The following DGKB variants were observed in gnomAD, a reference collection of about 807,000 sequenced individuals.
DGKB encodes the protein diacylglycerol kinase beta, also known as 90 kDa diacylglycerol kinase.
Under a neutral mutation model 114.3 loss-of-function variants are expected in DGKB, and 67 were observed. The observed-to-expected ratio is 0.59, with a 90% CI of 0.48 to 0.72. The LOEUF (loss-of-function observed/expected upper bound fraction) is 0.72, where lower values mean the gene tolerates loss of function less well. DGKB is among the 30% of genes least tolerant of loss of function. The probability of loss-of-function intolerance (pLI) is 0.00; values close to 1 mark genes in which losing one functional copy is unlikely to be tolerated. For synonymous variants in DGKB, 398 were observed against 323.1 expected (o/e 1.23, Z -2.49); for missense variants, 907 against 975.2 (o/e 0.93, Z 0.93).
intron 19 of DGKB, among the ~76,000 whole-genome samples, chr7:14,578,209 T>A (rs2128718675): frequency 6.6e-6 from 1 of 152,312 alleles, no homozygotes; most frequent in South Asian, 2.1e-4. Flanking sequence ...CCTTCACGAT[T>A]GTAAGTTTCC....
chr7:14,533,263 A>G (rs941167496), intron 20 of DGKB, among the ~76,000 whole-genome samples: 1 of 151,870 alleles, frequency 6.6e-6, no homozygotes, highest in African/African-American at 2.4e-5. Context: ...TCAATAGTAG[A>G]TTCAATCAGA....
chr7:14,215,805 T>C (rs1464009085), intron 23 of DGKB, among the ~76,000 whole-genome samples: 1 of 152,192 alleles, frequency 6.6e-6, no homozygotes, highest in Non-Finnish European at 1.5e-5. Flanking sequence ...TGAAATTATA[T>C]GCAAATGGAA....
chr7:14,362,259 C>T (rs1815894097), intron 21 of DGKB, among the ~76,000 whole-genome samples: 1 of 151,978 alleles, frequency 6.6e-6, no homozygotes, highest in South Asian at 2.1e-4. Flanking sequence ...AGTTGATTAT[C>T]AAGAATTCAT....
intron 17 of DGKB, among the ~76,000 whole-genome samples, chr7:14,589,999 A>G (rs1159390760): frequency 6.8e-6 from 1 of 146,806 alleles, no homozygotes; most frequent in East Asian, 2.1e-4. Context: ...CTTGCATATA[A>G]AACCTAAATG....
At chr7:14,191,596 G>C (rs1241439887) in intron 23 of DGKB, 4 of 246,830 alleles carry the variant, frequency 1.6e-5, no homozygotes, top group Non-Finnish European at 3.4e-5. Flanking sequence ...GTGGTGACTG[G>C]GTTACCTTTG....
At chr7:14,850,387 A>G (rs181931791) in intron 1 of DGKB, among the ~76,000 whole-genome samples, 2 of 152,276 alleles carry the variant, frequency 1.3e-5, no homozygotes, top group Non-Finnish European at 2.9e-5. Context: ...AAAGTTAATG[A>G]GAAGAGTTTA....
intron 20 of DGKB, among the ~76,000 whole-genome samples, chr7:14,535,256 C>T (rs926666917): frequency 1.4e-4 from 22 of 151,810 alleles, no homozygotes; most frequent in South Asian, 6.2e-4. Flanking sequence ...GTAGTTCCAG[C>T]TACTCAGGAG....
At chr7:14,961,421 T>C (rs1786837548) in intron 1 of DGKB, among the ~76,000 whole-genome samples, 1 of 152,078 alleles carries the variant, frequency 6.6e-6, no homozygotes, top group African/African-American at 2.4e-5. Flanking sequence ...CTCAATGAAT[T>C]GTGTTTAGTA....
intron 23 of DGKB, among the ~76,000 whole-genome samples, chr7:14,288,254 GA>G (rs11314793): frequency 0.096 from 6,544 of 67,908 alleles, 311 homozygotes; most frequent in African/African-American, 0.23. Context: ...TTTGTTAAAA[GA>G]AAAAAAAAAA....
At chr7:14,734,047 G>GT (rs1831331097) in intron 5 of DGKB, among the ~76,000 whole-genome samples, 1 of 147,830 alleles carries the variant, frequency 6.8e-6, no homozygotes, top group Non-Finnish European at 1.5e-5. Context: ...GTGTGTGTGT[G>GT]GTGTGTGAAA....
At chr7:14,204,399 G>T (rs142311599) in intron 23 of DGKB, among the ~76,000 whole-genome samples, 5 of 151,918 alleles carry the variant, frequency 3.3e-5, no homozygotes, top group Non-Finnish European at 7.4e-5. Context: ...AGCTTGGTGA[G>T]CTGACACATT....
Position 14,478,198 on chromosome 7 carries a change from T to C in DGKB, c.1798A>G (p.Ile600Val). Residue 600 changes from isoleucine to valine, a missense_variant, in exon 21 of 26, where the codon ATC (isoleucine) becomes GTC (valine). Coordinates refer to ENST00000402815, the MANE Select transcript of DGKB (RefSeq NM_001350709.2). ...TTCTCTGGGTGTTTTTCTCTCATGA[T>C]GTGGAATCTGTGTGCAATGGAGGCA... ...VDASIAHRFH[I>V]MREKHPEKFN... 6.2e-7 allele frequency: 1 copy of C among 1,602,936 alleles called. No individual in the cohort carries two copies.
At chr7:14,184,872 C>T (rs1393278394) in intron 23 of DGKB, among the ~76,000 whole-genome samples, 1 of 152,074 alleles carries the variant, frequency 6.6e-6, no homozygotes, top group Non-Finnish European at 1.5e-5. Flanking sequence ...AAGGGACATA[C>T]CTTAATGTAA....
intron 23 of DGKB, among the ~76,000 whole-genome samples, chr7:14,306,859 A>C (rs1804570052): frequency 6.6e-6 from 1 of 152,146 alleles, no homozygotes; most frequent in African/African-American, 2.4e-5. Flanking sequence ...TTGGCTCTTC[A>C]AATGTGTCCT....
intron 1 of DGKB, among the ~76,000 whole-genome samples, chr7:14,973,247 A>C (rs150269859): frequency 6.6e-6 from 1 of 152,028 alleles, no homozygotes; most frequent in East Asian, 1.9e-4. Context: ...CCTCTATTTA[A>C]TTTTTATTTA....
chr7:14,278,871 G>C (rs903164670), intron 23 of DGKB, among the ~76,000 whole-genome samples: 1 of 152,192 alleles, frequency 6.6e-6, no homozygotes, highest in East Asian at 1.9e-4. Context: ...GAATTGGAAA[G>C]GAGGAGCCAA....
At chr7:14,276,535 C>T (rs1799020948) in intron 23 of DGKB, among the ~76,000 whole-genome samples, 1 of 151,986 alleles carries the variant, frequency 6.6e-6, no homozygotes. Context: ...ATATACATCA[C>T]TATTCTACAT....
At chr7:14,785,435 A>G (rs959607775) in intron 2 of DGKB, among the ~76,000 whole-genome samples, 1 of 152,130 alleles carries the variant, frequency 6.6e-6, no homozygotes, top group African/African-American at 2.4e-5. Flanking sequence ...TCATATGTAT[A>G]CATGTATGTA....
chr7:14,957,148 A>G (rs1027170650), intron 1 of DGKB, among the ~76,000 whole-genome samples: 1 of 152,108 alleles, frequency 6.6e-6, no homozygotes, highest in Admixed American at 6.6e-5. Flanking sequence ...TTTTTTAAAA[A>G]AAGGGCATAA....
Sources: allele counts gnomAD v4.1 joint callset (sites outside exome capture counted in the v4.1 genomes callset), GRCh38; gene constraint gnomAD v4.1.1; transcripts MANE v1.5; gene names NCBI Gene and HGNC (gene_info 2026-07-23, HGNC 2026-07-21).